The following PPP2R5E variants were observed in gnomAD, a reference collection of about 807,000 sequenced individuals.
The protein encoded by PPP2R5E is protein phosphatase 2 regulatory subunit B'epsilon.
Under a neutral mutation model 65.3 loss-of-function variants are expected in PPP2R5E, and 4 were observed. The ratio of observed to expected loss-of-function variants is 0.06; its 90% CI spans 0.03 to 0.14. The LOEUF (loss-of-function observed/expected upper bound fraction) is 0.14. PPP2R5E is among the 10% of genes least tolerant of loss of function. The probability of loss-of-function intolerance (pLI) is 1.00; values close to 1 mark genes in which losing one functional copy is unlikely to be tolerated. For missense variants in PPP2R5E, 274 were observed against 556.1 expected, an observed-to-expected ratio of 0.49 and a Z score of 5.10; for synonymous variants, 183 against 187.4, an observed-to-expected ratio of 0.98 and a Z score of 0.19.
At chr14:63,524,866 T>C (rs1426417755) in intron 2 of PPP2R5E, among the ~76,000 whole-genome samples, 1 of 152,202 alleles carries the variant, frequency 6.6e-6, no homozygotes, top group Non-Finnish European at 1.5e-5. Context: ...CTCACCACCT[T>C]CAGTCTCCTC....
chr14:63,393,605 G>T (rs372819250), intron 8 of PPP2R5E, among the ~76,000 whole-genome samples: 1 of 152,020 alleles, frequency 6.6e-6, no homozygotes, highest in East Asian at 1.9e-4. Flanking sequence ...ACAGCTACTC[G>T]GGAGGCTGAG....
intron 8 of PPP2R5E, among the ~76,000 whole-genome samples, chr14:63,393,140 G>A (rs1885120361): frequency 6.6e-6 from 1 of 152,130 alleles, no homozygotes; most frequent in South Asian, 2.1e-4. Flanking sequence ...AAAGTAGGAT[G>A]GAACAAAATA....
intron 2 of PPP2R5E, among the ~76,000 whole-genome samples, chr14:63,492,203 T>C (rs553925929): frequency 1.3e-5 from 2 of 152,194 alleles, no homozygotes; most frequent in African/African-American, 2.4e-5. Context: ...ATATACCTAA[T>C]ATGCTTAGCC....
intron 2 of PPP2R5E, among the ~76,000 whole-genome samples, chr14:63,482,462 A>C (rs1890758650): frequency 6.6e-6 from 1 of 152,136 alleles, no homozygotes; most frequent in Non-Finnish European, 1.5e-5. Context: ...CCGTCTTGGA[A>C]AACAACAACA....
At chr14:63,420,305 AAAC>A (rs1240680934) in intron 4 of PPP2R5E, among the ~76,000 whole-genome samples, 7 of 152,326 alleles carry the variant, frequency 4.6e-5, no homozygotes, top group Non-Finnish European at 1.0e-4. Flanking sequence ...AACTGTCACC[AAAC>A]ATTAAGAGTA....
At chr14:63,533,882 G>A (rs1473299053) in intron 2 of PPP2R5E, among the ~76,000 whole-genome samples, 1 of 152,192 alleles carries the variant, frequency 6.6e-6, no homozygotes, top group Non-Finnish European at 1.5e-5. Flanking sequence ...GGGAGGCAGA[G>A]GTTGCAGTGA....
intron 5 of PPP2R5E, among the ~76,000 whole-genome samples, chr14:63,400,619 G>C (rs1319421846): frequency 6.7e-6 from 1 of 148,626 alleles, no homozygotes; most frequent in African/African-American, 2.5e-5. Context: ...GAGCCCATCA[G>C]GGGAGGTAAT....
At chr14:63,448,234 T>G (rs1474097126) in intron 3 of PPP2R5E, among the ~76,000 whole-genome samples, 1 of 151,564 alleles carries the variant, frequency 6.6e-6, no homozygotes. Flanking sequence ...GAGGCAGAGC[T>G]TGCAATGAGC....
In PPP2R5E at chr14:63,542,933, C is replaced by A. The variant is rs1199570891; in HGVS notation, c.-162G>T. The A allele has an allele frequency of 6.5e-6, 1 of 152,706 alleles. No homozygotes were observed. Among genetic ancestry groups the A allele is most frequent in the South Asian group, 2.0e-4 (1 of 4,942 alleles). The allele number at this position is 152,706 out of a possible 1,614,324, so 9.5% of individuals were successfully genotyped here. The stretch of plus-strand genomic sequence containing the variant: ...AGCCTGGGGCGACGGCTGTCCGGTA[C>A]GGGGTCCCTCCGGTTCCGCGGCGGC... On this transcript the variant is annotated 5_prime_UTR_variant, in exon 1 of 14. Transcript: ENST00000337537.
At chr14:63,491,673 C>A (rs189366209) in intron 2 of PPP2R5E, among the ~76,000 whole-genome samples, 3 of 151,998 alleles carry the variant, frequency 2.0e-5, no homozygotes, top group Admixed American at 6.6e-5. Context: ...CATGGGAAAA[C>A]CCCGTCTCTG....
chr14:63,484,347 T>TCTCACACACA lies in PPP2R5E; in HGVS notation c.158-30463_158-30462insTGTGTGTGAG, dbSNP rs758248092. On this transcript the variant is annotated intron_variant, in intron 2 of 13. Transcript: ENST00000337537. The stretch of plus-strand genomic sequence containing the variant: ...CTTTCTTTCTCTTTCTCTCTCTCTC[T>TCTCACACACA]CACACACACACACACACACACACAC... 2.1e-4 allele frequency among the ~76,000 whole-genome samples: 30 copies of TCTCACACACA among 139,674 alleles called. No individual in the cohort carries two copies. The South Asian group carries it at 2.3e-3, about 11-fold the overall frequency. The allele number at this position is 139,674 out of a possible 152,430, so 91.6% of individuals were successfully genotyped here. A position where few individuals can be genotyped will look rare whatever the true frequency, so the allele number is the denominator to read the frequency against.
At chr14:63,411,387 C>T (rs968928348) in intron 5 of PPP2R5E, among the ~76,000 whole-genome samples, 1 of 152,062 alleles carries the variant, frequency 6.6e-6, no homozygotes, top group African/African-American at 2.4e-5. Flanking sequence ...AGTTTAACAA[C>T]TTTTTCTTTT....
chr14:63,482,793 C>G (rs17101238), intron 2 of PPP2R5E, among the ~76,000 whole-genome samples: 49,691 of 152,110 alleles, frequency 0.33, 10,859 homozygotes, highest in African/African-American at 0.63. Flanking sequence ...AACAGAATAA[C>G]CTGTTCATCA....
intron 2 of PPP2R5E, among the ~76,000 whole-genome samples, chr14:63,469,707 A>G (rs956073376): frequency 1.5e-4 from 23 of 152,174 alleles, no homozygotes; most frequent in African/African-American, 5.1e-4. Flanking sequence ...AAAATCAAGT[A>G]AAGTATCTGA....
chr14:63,394,329 C>T (rs1885207054), intron 7 of PPP2R5E, among the ~76,000 whole-genome samples: 1 of 152,040 alleles, frequency 6.6e-6, no homozygotes, highest in South Asian at 2.1e-4. Flanking sequence ...AAATGATCTG[C>T]CCACCTTGGC....
chr14:63,482,254 C>A (rs1890740824), intron 2 of PPP2R5E, among the ~76,000 whole-genome samples: 1 of 152,168 alleles, frequency 6.6e-6, no homozygotes, highest in African/African-American at 2.4e-5. Flanking sequence ...CACCTGAGGT[C>A]AGGAGTTCGA....
intron 2 of PPP2R5E, among the ~76,000 whole-genome samples, chr14:63,528,381 C>A (rs1255774): frequency 6.6e-6 from 1 of 152,138 alleles, no homozygotes; most frequent in Non-Finnish European, 1.5e-5. Flanking sequence ...TCCTCAAATA[C>A]GCAGAACAGA....
intron 5 of PPP2R5E, among the ~76,000 whole-genome samples, chr14:63,406,980 A>C (rs1403264608): frequency 6.6e-6 from 1 of 152,262 alleles, no homozygotes; most frequent in Non-Finnish European, 1.5e-5. Flanking sequence ...ACAGAGCTTA[A>C]GAAAGTTCTC....
chr14:63,536,073 A>G (rs1425822313), intron 2 of PPP2R5E, among the ~76,000 whole-genome samples: 1 of 152,256 alleles, frequency 6.6e-6, no homozygotes, highest in Non-Finnish European at 1.5e-5. Flanking sequence ...TGCTTACTAC[A>G]TAACAATCAC....
Sources: allele counts gnomAD v4.1 joint callset (sites outside exome capture counted in the v4.1 genomes callset), GRCh38; gene constraint gnomAD v4.1.1; transcripts MANE v1.5; gene names NCBI Gene and HGNC (gene_info 2026-07-23, HGNC 2026-07-21).